Variants in USH2A observed in about 807,000 individuals in gnomAD.
The protein encoded by USH2A is Usher syndrome 2A (autosomal recessive, mild).
A neutral mutation model predicts 538.9 loss-of-function variants in USH2A; 443 were observed. The observed-to-expected ratio is 0.82, with a 90% confidence interval of 0.76 to 0.89. USH2A has a LOEUF of 0.89. Among genes scored for constraint, USH2A ranks in the 40% least tolerant of loss-of-function variants. USH2A has a pLI of 0.00. For synonymous variants in USH2A, 2,413 were observed against 2,273.5 expected (o/e 1.06, Z -1.75); for missense variants, 6,633 against 6,324.8 (o/e 1.05, Z -1.65).
At chr1:216,184,623 T>C (rs750014456) in intron 20 of USH2A, among the ~76,000 whole-genome samples, 16 of 151,832 alleles carry the variant, frequency 1.1e-4, no homozygotes, top group Non-Finnish European at 2.4e-4. Context: ...CTCAGAGAAG[T>C]AACTGGGTGA....
intron 11 of USH2A, among the ~76,000 whole-genome samples, chr1:216,259,535 T>TC (rs2036325825): frequency 6.6e-6 from 1 of 152,106 alleles, no homozygotes. Context: ...ATAAGTATAT[T>TC]GTACACATTC....
rs1489101103 is a variant in USH2A at position 216,102,663 on chromosome 1, C to T, written c.4628-5450G>A. Among the ~76,000 whole-genome samples, 3 of 151,790 alleles carry T rather than the reference C, an allele frequency of 2.0e-5. No homozygotes were observed. In the South Asian group the frequency reaches 6.2e-4, roughly 32 times the overall value. On this transcript the variant is annotated intron_variant, in intron 21 of 71. Coordinates refer to ENST00000307340, the MANE Select transcript of USH2A (RefSeq NM_206933.4). ...AAGTACAAAAAAATTAGCCGGGCGT[C>T]GTGGCGGGCGCCTGTAGTCCCAGCT...
Position 215,680,270 on chromosome 1 carries a change from AG to A in USH2A, c.12172del (p.Leu4058Ter). 6.2e-7 allele frequency: 1 copy of A among 1,614,198 alleles called. No homozygotes were observed. Among genetic ancestry groups the A allele is most frequent in the Non-Finnish European group, 8.5e-7 (1 of 1,180,020 alleles). ...TGGGGAAGATTCTAAGGTTTGAATC[AG>A]AGTCCAAGGGCTTAAAATTTCTCCT... is the stretch of plus-strand genomic sequence containing the variant. ...HAGEILSPWT[L>X]IQTLESSPSG... On this transcript the variant is annotated frameshift_variant, in exon 62 of 72. Coordinates refer to ENST00000307340, the MANE Select transcript of USH2A (RefSeq NM_206933.4). LOFTEE classifies it high-confidence loss of function.
chr1:216,042,391 A>G (rs2030316765), intron 32 of USH2A, among the ~76,000 whole-genome samples: 1 of 151,896 alleles, frequency 6.6e-6, no homozygotes, highest in East Asian at 1.9e-4. Flanking sequence ...CTATCTAGTA[A>G]ACTCTGTATT....
intron 21 of USH2A, among the ~76,000 whole-genome samples, chr1:216,146,371 C>T (rs1225331459): frequency 6.6e-5 from 10 of 152,150 alleles, no homozygotes; most frequent in East Asian, 1.9e-4. Flanking sequence ...AAAACTCCGG[C>T]GCTGGTCACA....
At chr1:215,731,921 C>T (rs1301185181) in intron 60 of USH2A, among the ~76,000 whole-genome samples, 3 of 152,108 alleles carry the variant, frequency 2.0e-5, no homozygotes, top group Admixed American at 2.0e-4. Context: ...GTTCAATGAC[C>T]TTGGGTGAAC....
chr1:215,673,793 T>A (rs1449694881), intron 63 of USH2A, among the ~76,000 whole-genome samples: 1 of 152,208 alleles, frequency 6.6e-6, no homozygotes, highest in Non-Finnish European at 1.5e-5. Context: ...TCCAGGGGCC[T>A]GCGTATTTCC....
At chr1:216,361,419 TAAG>T (rs1571740310) in intron 4 of USH2A, among the ~76,000 whole-genome samples, 2 of 152,138 alleles carry the variant, frequency 1.3e-5, no homozygotes, top group East Asian at 1.9e-4. Flanking sequence ...TCATTAAAAT[TAAG>T]AAGATCTGCT....
At chr1:216,048,437 G>T in intron 31 of USH2A, 97 bp downstream of exon 31, 1 of 1,236,260 alleles carries the variant, frequency 8.1e-7, no homozygotes. Flanking sequence ...AATTAGGTTG[G>T]GGTTTGCCAG....
intron 38 of USH2A, among the ~76,000 whole-genome samples, chr1:215,926,012 C>T (rs1419010785): frequency 9.9e-5 from 15 of 151,718 alleles, no homozygotes; most frequent in Non-Finnish European, 2.9e-5. Flanking sequence ...AGCGAGACTC[C>T]GTCTCAAAAA....
At chr1:215,931,602 A>G (rs1025239147) in intron 38 of USH2A, among the ~76,000 whole-genome samples, 2 of 152,018 alleles carry the variant, frequency 1.3e-5, no homozygotes, top group African/African-American at 4.8e-5. Flanking sequence ...ACAGCTGGCT[A>G]AAATACAAGG....
intron 3 of USH2A, among the ~76,000 whole-genome samples, chr1:216,375,622 C>A (rs2038803089): frequency 6.6e-6 from 1 of 152,124 alleles, no homozygotes; most frequent in Non-Finnish European, 1.5e-5. Flanking sequence ...AGCAATAAAG[C>A]TGTTTCAGTT....
chr1:215,699,610 GCTCT>G (rs1377963487), intron 61 of USH2A, among the ~76,000 whole-genome samples: 1 of 152,002 alleles, frequency 6.6e-6, no homozygotes, highest in African/African-American at 2.4e-5. Flanking sequence ...TCATGATTTG[GCTCT>G]CTTTCTATTA....
At chr1:216,183,605 T>C (rs953808236) in intron 20 of USH2A, among the ~76,000 whole-genome samples, 2 of 151,980 alleles carry the variant, frequency 1.3e-5, no homozygotes, top group Non-Finnish European at 2.9e-5. Context: ...CATTCTAGTA[T>C]ATCAATTAAA....
intron 30 of USH2A, among the ~76,000 whole-genome samples, chr1:216,059,359 T>G (rs1363185129): frequency 1.3e-5 from 2 of 152,194 alleles, no homozygotes; most frequent in Admixed American, 1.3e-4. Flanking sequence ...TGCCTCTAAC[T>G]CTTCAGAAAT....
At chr1:216,027,576 C>A (rs917372575) in intron 32 of USH2A, among the ~76,000 whole-genome samples, 1 of 152,080 alleles carries the variant, frequency 6.6e-6, no homozygotes, top group African/African-American at 2.4e-5. Context: ...CACAAAAATT[C>A]CAGTTTATGT....
At chr1:216,409,108 G>C (rs2039440102) in intron 3 of USH2A, among the ~76,000 whole-genome samples, 1 of 152,096 alleles carries the variant, frequency 6.6e-6, no homozygotes, top group Non-Finnish European at 1.5e-5. Context: ...GATTTGATTA[G>C]AAGCAGGTGA....
At chr1:216,018,092 C>T (rs1184583166) in intron 32 of USH2A, among the ~76,000 whole-genome samples, 2 of 152,096 alleles carry the variant, frequency 1.3e-5, no homozygotes, top group African/African-American at 2.4e-5. Flanking sequence ...ATTTTTACTA[C>T]TATTATAACA....
chr1:215,747,617 G>A (rs1056050008), intron 58 of USH2A, among the ~76,000 whole-genome samples: 4 of 152,092 alleles, frequency 2.6e-5, no homozygotes, highest in African/African-American at 4.8e-5. Flanking sequence ...CTTCCTCTCC[G>A]CAAAAAGTAT....
Sources: allele counts gnomAD v4.1 joint callset (sites outside exome capture counted in the v4.1 genomes callset), GRCh38; gene constraint gnomAD v4.1.1; transcripts MANE v1.5; gene names NCBI Gene and HGNC (gene_info 2026-07-23, HGNC 2026-07-21).